Variants in TMEM156 observed in about 807,000 individuals in gnomAD.
TMEM156 encodes the protein transmembrane protein 156.
In TMEM156, 28 loss-of-function variants were observed where a neutral mutation model predicts 30.5. That is an observed-to-expected ratio of 0.92 (90% CI 0.68 to 1.26). TMEM156 has a LOEUF of 1.26. TMEM156 is among the 50% of genes most tolerant of loss of function. The probability of loss-of-function intolerance (pLI) is 0.00; values close to 1 mark genes in which losing one functional copy is unlikely to be tolerated. For synonymous variants in TMEM156, 137 were observed against 119.9 expected, an observed-to-expected ratio of 1.14 and a Z score of -0.93; for missense variants, 351 against 340.6, an observed-to-expected ratio of 1.03 and a Z score of -0.24.
At chr4:39,022,651 G>A (rs377646487) in intron 1 of TMEM156, among the ~76,000 whole-genome samples, 16 of 152,122 alleles carry the variant, frequency 1.1e-4, no homozygotes, top group African/African-American at 3.9e-4. Flanking sequence ...TCAACTATCC[G>A]TTGACCTCTA....
At chr4:38,984,333 G>GTC (rs1194096991) in intron 5 of TMEM156, among the ~76,000 whole-genome samples, 417 of 141,952 alleles carry the variant, frequency 2.9e-3, no homozygotes, top group African/African-American at 7.3e-3. Context: ...CTTTCTCTCT[G>GTC]TCTCTCTCTC....
chr4:38,988,305 C>T (rs938315265), intron 4 of TMEM156, among the ~76,000 whole-genome samples: 1 of 152,192 alleles, frequency 6.6e-6, no homozygotes, highest in Non-Finnish European at 1.5e-5. Flanking sequence ...CTCACTGCAA[C>T]CTCCACATCC....
At chr4:39,018,522 GA>G (rs1714650826) in intron 1 of TMEM156, among the ~76,000 whole-genome samples, 1 of 151,970 alleles carries the variant, frequency 6.6e-6, no homozygotes. Flanking sequence ...TTCTTTCACT[GA>G]GGGTCTGATG....
intron 1 of TMEM156, among the ~76,000 whole-genome samples, chr4:39,008,710 A>C (rs147108166): frequency 1.2e-4 from 19 of 152,322 alleles, no homozygotes; most frequent in African/African-American, 4.6e-4. Context: ...AAATTCTTTG[A>C]AACAAATGAA....
chr4:39,021,814 G>C (rs1164467308), intron 1 of TMEM156, among the ~76,000 whole-genome samples: 2 of 152,114 alleles, frequency 1.3e-5, no homozygotes, highest in African/African-American at 4.8e-5. Context: ...TTTGTACATG[G>C]TGTGAAATGA....
intron 6 of TMEM156, among the ~76,000 whole-genome samples, chr4:38,969,641 G>A (rs371364727): frequency 1.1e-4 from 16 of 152,226 alleles, no homozygotes; most frequent in Admixed American, 5.2e-4. Context: ...AAGCTAGAGC[G>A]CAGTGGCATG....
intron 1 of TMEM156, among the ~76,000 whole-genome samples, chr4:39,004,224 C>A (rs1408484637): frequency 1.3e-5 from 2 of 152,092 alleles, no homozygotes; most frequent in Non-Finnish European, 2.9e-5. Context: ...TACTCCAGTA[C>A]TAAGACTGCA....
At chr4:39,007,608 C>T (rs1422374251) in intron 1 of TMEM156, among the ~76,000 whole-genome samples, 1 of 152,074 alleles carries the variant, frequency 6.6e-6, no homozygotes, top group Non-Finnish European at 1.5e-5. Context: ...GCACGTGCCA[C>T]CACACCCAGC....
At chr4:39,017,619 A>T (rs1188939858) in intron 1 of TMEM156, among the ~76,000 whole-genome samples, 1 of 152,190 alleles carries the variant, frequency 6.6e-6, no homozygotes, top group Admixed American at 6.5e-5. Context: ...GTTGTATTTT[A>T]TGACTGGGAA....
intron 1 of TMEM156, among the ~76,000 whole-genome samples, chr4:39,004,482 A>G (rs950071754): frequency 6.6e-6 from 1 of 152,154 alleles, no homozygotes; most frequent in Non-Finnish European, 1.5e-5. Flanking sequence ...ATTAAGAAAC[A>G]GAATATTACC....
At chr4:39,017,948 TG>T (rs1221078314) in intron 1 of TMEM156, among the ~76,000 whole-genome samples, 4 of 152,206 alleles carry the variant, frequency 2.6e-5, no homozygotes, top group African/African-American at 7.2e-5. Flanking sequence ...GATAATTTTT[TG>T]TCTTTTTACC....
At chr4:38,972,929 A>G (rs1295769334) in intron 5 of TMEM156, among the ~76,000 whole-genome samples, 1 of 152,084 alleles carries the variant, frequency 6.6e-6, no homozygotes, top group Non-Finnish European at 1.5e-5. Context: ...TTTTTTCCAC[A>G]TAGTCAATTT....
chr4:39,016,228 C>G (rs1560382291), intron 1 of TMEM156, among the ~76,000 whole-genome samples: 1 of 152,032 alleles, frequency 6.6e-6, no homozygotes, highest in South Asian at 2.1e-4. Context: ...AAAAAATTAG[C>G]CGGGCATAGT....
intron 2 of TMEM156, among the ~76,000 whole-genome samples, chr4:38,996,262 G>GA (rs372975520): frequency 0.24 from 28,471 of 119,272 alleles, 2,800 homozygotes; most frequent in East Asian, 0.32. Context: ...CCATTACTAA[G>GA]AAAAAAAAAA....
At chr4:38,982,752 T>TG (rs536655740) in intron 5 of TMEM156, among the ~76,000 whole-genome samples, 149 of 152,304 alleles carry the variant, frequency 9.8e-4, no homozygotes, top group African/African-American at 3.4e-3. Context: ...ACTAATCCAA[T>TG]GTGAAGAATT....
intron 5 of TMEM156, among the ~76,000 whole-genome samples, chr4:38,974,281 T>A (rs1244080834): frequency 6.6e-6 from 1 of 151,034 alleles, no homozygotes; most frequent in African/African-American, 2.4e-5. Context: ...CATGGCTCAC[T>A]GCAGCCTCAA....
intron 5 of TMEM156, among the ~76,000 whole-genome samples, chr4:38,977,187 G>C (rs866942149): frequency 3.3e-5 from 5 of 152,174 alleles, no homozygotes; most frequent in African/African-American, 1.2e-4. Flanking sequence ...TTACAGGCTT[G>C]AGCCACTGGG....
intron 1 of TMEM156, among the ~76,000 whole-genome samples, chr4:39,020,036 T>C (rs1714756860): frequency 6.6e-6 from 1 of 152,196 alleles, no homozygotes; most frequent in Non-Finnish European, 1.5e-5. Flanking sequence ...CGACTCCATA[T>C]ATAGTGAGAT....
At chr4:39,019,592 G>C (rs1714728249) in intron 1 of TMEM156, among the ~76,000 whole-genome samples, 1 of 151,992 alleles carries the variant, frequency 6.6e-6, no homozygotes, top group African/African-American at 2.4e-5. Context: ...TGCTATTTTT[G>C]CTATTTTCCC....
Sources: allele counts gnomAD v4.1 joint callset (sites outside exome capture counted in the v4.1 genomes callset), GRCh38; gene constraint gnomAD v4.1.1; transcripts MANE v1.5; gene names NCBI Gene and HGNC (gene_info 2026-07-23, HGNC 2026-07-21).